KAT6A: variants seen among roughly 807,000 people sequenced by gnomAD.
The protein encoded by KAT6A is histone acetyltransferase KAT6A.
Under a neutral mutation model 198.4 loss-of-function variants are expected in KAT6A, and 9 were observed. That is an observed-to-expected ratio of 0.05 (90% CI 0.03 to 0.08). The LOEUF (loss-of-function observed/expected upper bound fraction) is 0.08. Ranked by LOEUF, KAT6A falls within the 10% of genes least tolerant of loss-of-function variation. The pLI is 1.00. For synonymous variants in KAT6A, 890 were observed against 883.0 expected (o/e 1.01, Z -0.14); for missense variants, 2,077 against 2,509.9 (o/e 0.83, Z 3.69).
At chr8:41,975,519 T>C (rs1017097684) in intron 7 of KAT6A, among the ~76,000 whole-genome samples, 1 of 152,170 alleles carries the variant, frequency 6.6e-6, no homozygotes, top group Non-Finnish European at 1.5e-5. Flanking sequence ...TTGGTGACAG[T>C]TCTCAAGTCA....
intron 2 of KAT6A, among the ~76,000 whole-genome samples, chr8:42,000,202 G>A (rs891220462): frequency 5.3e-5 from 8 of 152,142 alleles, no homozygotes; most frequent in African/African-American, 1.9e-4. Flanking sequence ...ATAATTTAGT[G>A]GTACTTGAGT....
Position 41,934,581 on chromosome 8 carries a change from T to A in KAT6A, c.3639A>T (p.Pro1213=). Reference sequence around the variant, plus strand: ...CCTCGGGTAGGGGCATGTCTTCTTTTGGCTCAACAGTTTCTTCACTCTCCT... The same window carrying A: ...CCTCGGGTAGGGGCATGTCTTCTTTAGGCTCAACAGTTTCTTCACTCTCCT... ...KIQESEETVE[P]KEDMPLPEER... The change falls in exon 17 of 17, where the codon CCA becomes CCT. Residue 1213 remains proline, a synonymous_variant. Transcript: ENST00000265713. 6.2e-7 allele frequency: 1 copy of A among 1,614,136 alleles called. No individual in the cohort carries two copies. Among genetic ancestry groups the A allele is most frequent in the Non-Finnish European group, 8.5e-7 (1 of 1,180,036 alleles).
chr8:41,933,142 G>A lies in KAT6A; in HGVS notation c.5078C>T (p.Pro1693Leu), dbSNP rs769417965. The A allele has an allele frequency of 1.2e-6, 2 of 1,606,620 alleles. No homozygotes were observed. The highest frequency in any genetic ancestry group is 1.3e-5 in the African/African-American group (1 of 74,712). The change falls in exon 17 of 17, where the codon CCA (proline) becomes CTA (leucine). Residue 1693 changes from proline to leucine, a missense_variant. By Grantham distance (98) the Pro-to-Leu change is moderately conservative. This residue lies in a region of KAT6A where 500 missense variants were observed against 577.2 expected (regional missense o/e 0.87). Coordinates refer to ENST00000265713, the MANE Select transcript of KAT6A (RefSeq NM_006766.5). The surrounding 1 kb of genome is among the most constrained non-coding windows in gnomAD (Gnocchi z 6.2). The part of the protein sequence containing the change: ...PQPQPQQPPP[P>L]PPPQQQPPLS... ...CGGGGGCTGCTGCTGGGGAGGGGGT[G>A]GGGGTGGAGGCTGCTGGGGCTGAGG...
chr8:41,982,997 T>C (rs567252994), intron 3 of KAT6A, among the ~76,000 whole-genome samples: 14 of 152,178 alleles, frequency 9.2e-5, no homozygotes, highest in Non-Finnish European at 1.6e-4. Context: ...AAAAATACCA[T>C]CACTTAAAGT....
At position 42,005,485 on chromosome 8, in the gene KAT6A, G is replaced by C. The variant is rs73628556; in HGVS notation, c.601-17922C>G. On this transcript the variant is annotated intron_variant, in intron 2 of 16. Transcript: ENST00000265713. The stretch of plus-strand genomic sequence containing the variant: ...AGGAAAACCCTGACAAATGCAGACT[G>C]CACACACACAATAAGAGATCAGGAA... Among the ~76,000 whole-genome samples, 1,034 of 152,274 alleles carry C rather than the reference G, an allele frequency of 6.8e-3. 14 individuals carry two copies. Among genetic ancestry groups the C allele is most frequent in the African/African-American group, 0.024 (988 of 41,544 alleles).
chr8:42,025,649 A>G (rs1296715124), intron 2 of KAT6A, among the ~76,000 whole-genome samples: 3 of 152,012 alleles, frequency 2.0e-5, no homozygotes, highest in Non-Finnish European at 4.4e-5. Context: ...TACATTCTAG[A>G]TATTAGTCCC....
chr8:42,048,571 C>G lies in KAT6A; in HGVS notation c.407G>C (p.Gly136Ala), dbSNP rs1019576543. 2 of 1,614,072 alleles carry G rather than the reference C, an allele frequency of 1.2e-6. No individual in the cohort carries two copies. Among genetic ancestry groups the G allele is most frequent in the African/African-American group, 2.7e-5 (2 of 74,906 alleles). The change falls in exon 2 of 17, where the codon GGA (glycine) becomes GCA (alanine). Residue 136 changes from glycine to alanine, a missense_variant. Around this residue, in one of 13 missense-constraint regions of KAT6A, gnomAD observed 185 missense variants for 185.7 expected, o/e 1.00. Transcript: ENST00000265713. ...GTGAAAGCCAGAGGCAGCACTGCCT[C>G]CGAATAATGCAGACACATCCTTCTG... ...KGQKDVSALF[G>A]GSAASGFHQQ...
At chr8:42,033,687 C>T (rs967777328) in intron 2 of KAT6A, among the ~76,000 whole-genome samples, 1 of 152,162 alleles carries the variant, frequency 6.6e-6, no homozygotes, top group South Asian at 2.1e-4. Context: ...TATTTTACTT[C>T]ATCAGAGCAC....
At chr8:41,935,513 G>A (rs1459223071) in intron 16 of KAT6A, among the ~76,000 whole-genome samples, 2 of 151,988 alleles carry the variant, frequency 1.3e-5, no homozygotes, top group African/African-American at 2.4e-5. Context: ...AAAAATTAAA[G>A]CACCAATTAC....
At chr8:42,020,100 A>G (rs911210492) in intron 2 of KAT6A, among the ~76,000 whole-genome samples, 2 of 152,206 alleles carry the variant, frequency 1.3e-5, no homozygotes, top group African/African-American at 4.8e-5. Context: ...TTCATATCTT[A>G]TAAGTGAAGA....
At chr8:41,984,774 C>T (rs561259625) in intron 3 of KAT6A, among the ~76,000 whole-genome samples, 2 of 151,952 alleles carry the variant, frequency 1.3e-5, no homozygotes, top group South Asian at 2.1e-4. Flanking sequence ...GTCAGGAGAT[C>T]GAGACCATCC....
chr8:42,041,465 G>A (rs1827664605), intron 2 of KAT6A, among the ~76,000 whole-genome samples: 1 of 152,220 alleles, frequency 6.6e-6, no homozygotes, highest in African/African-American at 2.4e-5. Context: ...GGCCGGGCAT[G>A]GTGGCTGACG....
Position 41,930,710 on chromosome 8 carries a change from GTA to G in KAT6A, c.*1493_*1494del, listed in dbSNP as rs1554678657. 41 of 63,078 alleles carry G rather than the reference GTA, an allele frequency of 6.5e-4. No homozygotes were observed. Among genetic ancestry groups the G allele is most frequent in the East Asian group, 1.4e-3 (4 of 2,854 alleles). The allele number at this position is 63,078 out of a possible 1,614,324, so 3.9% of individuals were successfully genotyped here. On this transcript the variant is annotated 3_prime_UTR_variant, in exon 17 of 17. Transcript: ENST00000265713. Reference sequence around the variant, plus strand: ...TGTGTGTGTGTGTGTGTGTGTGTGTGTATATATATATATATATATTTTTTTTT... The same window carrying G: ...TGTGTGTGTGTGTGTGTGTGTGTGTGTATATATATATATATATTTTTTTTT...
chr8:41,999,486 T>A (rs1825379620), intron 2 of KAT6A, among the ~76,000 whole-genome samples: 1 of 152,160 alleles, frequency 6.6e-6, no homozygotes, highest in Non-Finnish European at 1.5e-5. Flanking sequence ...CTCCCTCTAC[T>A]CTTTCTTTGA....
At chr8:42,012,757 T>C (rs956201414) in intron 2 of KAT6A, among the ~76,000 whole-genome samples, 5 of 152,198 alleles carry the variant, frequency 3.3e-5, no homozygotes, top group African/African-American at 1.2e-4. Context: ...CAAAAACCTA[T>C]ATATGAATGT....
chr8:42,008,653 G>T (rs1277258111), intron 2 of KAT6A, among the ~76,000 whole-genome samples: 1 of 151,992 alleles, frequency 6.6e-6, no homozygotes, highest in African/African-American at 2.4e-5. Flanking sequence ...CCCCTCGAGT[G>T]ACATTTTTTT....
intron 2 of KAT6A, among the ~76,000 whole-genome samples, chr8:42,040,284 GTTAAGACCATTAGAACCTCTGGAT>G (rs1163467363): frequency 2.0e-5 from 3 of 152,096 alleles, no homozygotes; most frequent in African/African-American, 7.2e-5. Context: ...AAAAAACGAG[GTTAAGACCATTAGAACCTCTGGAT>G]TTCTATTCCT....
In KAT6A at chr8:41,977,102, C is replaced by A. The variant is rs374352854; in HGVS notation, c.1269G>T (p.Gly423=). The A allele has an allele frequency of 1.2e-6, 2 of 1,614,170 alleles. No homozygotes were observed. The highest frequency in any genetic ancestry group is 1.7e-6 in the Non-Finnish European group (2 of 1,180,020). ...LTKFFTPSPD[G]RKARGEVVDY... is the part of the protein sequence containing the mutation. ...CCACCACTTCCCCCCGAGCTTTCCG[C>A]CCATCAGGGGAAGGGGTAAAAAATT... The change falls in exon 7 of 17, where the codon GGG becomes GGT. Residue 423 remains glycine (G), a synonymous_variant. Coordinates refer to ENST00000265713, the MANE Select transcript of KAT6A (RefSeq NM_006766.5).
At chr8:41,990,511 G>A (rs1236256291) in intron 2 of KAT6A, among the ~76,000 whole-genome samples, 1 of 152,124 alleles carries the variant, frequency 6.6e-6, no homozygotes, top group Non-Finnish European at 1.5e-5. Flanking sequence ...ATTGCAGTAA[G>A]GAAGAGGCGG....
Sources: gnomAD v4.1 joint callset for allele counts (sites outside exome capture counted in the v4.1 genomes callset) on GRCh38, gnomAD v4.1.1 for gene constraint, gnomAD v4.1.1 regional missense constraint, Gnocchi (gnomAD v3.1) non-coding constraint, MANE v1.5 for transcripts, NCBI Gene and HGNC (gene_info 2026-07-23, HGNC 2026-07-21) for gene names.